WRN: variants seen among roughly 807,000 people sequenced by gnomAD.
The protein encoded by WRN is WRN RecQ like helicase.
A neutral mutation model predicts 180.7 loss-of-function variants in WRN; 149 were observed. The observed-to-expected ratio is 0.82, with a 90% CI of 0.72 to 0.94. WRN has a LOEUF of 0.94. WRN is among the 40% of genes least tolerant of loss of function. WRN has a pLI of 0.00. For synonymous variants in WRN, 548 were observed against 568.9 expected (o/e 0.96, Z 0.52); for missense variants, 1,661 against 1,700.1 (o/e 0.98, Z 0.40).
chr8:31,087,354 T>A (rs1291103652), intron 11 of WRN, among the ~76,000 whole-genome samples: 1 of 152,250 alleles, frequency 6.6e-6, no homozygotes, highest in Non-Finnish European at 1.5e-5. Flanking sequence ...TTGCTCATAG[T>A]TTCAGCCTTA....
chr8:31,172,512 A>G (rs937912448), intron 34 of WRN, among the ~76,000 whole-genome samples: 1 of 152,184 alleles, frequency 6.6e-6, no homozygotes, highest in Non-Finnish European at 1.5e-5. Flanking sequence ...TGTTAAGCGT[A>G]CTATGCCTTG....
intron 16 of WRN, among the ~76,000 whole-genome samples, chr8:31,092,377 A>G (rs1415946560): frequency 6.6e-6 from 1 of 151,784 alleles, no homozygotes; most frequent in African/African-American, 2.4e-5. Context: ...TGCCCAACCA[A>G]TTCTATCATG....
chr8:31,139,141 C>T (rs1041764952), intron 24 of WRN, among the ~76,000 whole-genome samples: 1 of 152,122 alleles, frequency 6.6e-6, no homozygotes, highest in Non-Finnish European at 1.5e-5. Context: ...AAAAGGTAAA[C>T]CTGTAATCAT....
At chr8:31,123,877 A>T (rs180938413) in intron 21 of WRN, among the ~76,000 whole-genome samples, 127 of 152,264 alleles carry the variant, frequency 8.3e-4, no homozygotes, top group African/African-American at 2.8e-3. Context: ...TTGACTTTAA[A>T]AAACAAACAC....
At chr8:31,137,099 C>T (rs1802430514) in intron 24 of WRN, among the ~76,000 whole-genome samples, 1 of 147,908 alleles carries the variant, frequency 6.8e-6, no homozygotes, top group African/African-American at 2.5e-5. Context: ...AGTTTGGATT[C>T]CTAGTTGAAA....
chr8:31,111,139 C>T (rs11574286), intron 18 of WRN, among the ~76,000 whole-genome samples: 4 of 150,476 alleles, frequency 2.7e-5, no homozygotes, highest in Non-Finnish European at 5.9e-5. Context: ...AGCCATAAAC[C>T]TATATATTTA....
At position 31,111,813 on chromosome 8, in the gene WRN, G is replaced by T; in HGVS notation, c.2273+14G>T. On this transcript the variant is annotated intron_variant, in intron 19 of 34. Transcript: ENST00000298139. ...TGTCAAAACAAGGTAAGGATTTAAT[G>T]GTTGATGAATTTTGGTAATGATTTC... is the stretch of plus-strand genomic sequence containing the variant. The T allele has an allele frequency of 6.2e-7, 1 of 1,610,868 alleles. No homozygotes were observed.
At chr8:31,142,592 A>G (rs770166496) in intron 26 of WRN, 34 bp from the exon 27 acceptor site, 24 of 1,494,632 alleles carry the variant, frequency 1.6e-5, no homozygotes, top group African/African-American at 1.4e-5. Flanking sequence ...TTGCATCTTA[A>G]CATTTGAAAT....
At chr8:31,100,653 G>A (rs1223081754) in intron 17 of WRN, among the ~76,000 whole-genome samples, 196 bp from the exon 18 acceptor site, 1 of 151,970 alleles carries the variant, frequency 6.6e-6, no homozygotes, top group East Asian at 1.9e-4. Flanking sequence ...AATTCTTAAG[G>A]CTTTTATTCA....
chr8:31,163,337 C>A (rs917343091), intron 33 of WRN, among the ~76,000 whole-genome samples: 5 of 152,172 alleles, frequency 3.3e-5, no homozygotes, highest in Non-Finnish European at 7.3e-5. Flanking sequence ...ACAAAGTTAT[C>A]GAACTTTAGA....
intron 16 of WRN, among the ~76,000 whole-genome samples, chr8:31,095,154 A>G (rs1813911184): frequency 6.6e-6 from 1 of 152,012 alleles, no homozygotes; most frequent in Admixed American, 6.6e-5. Context: ...ATAGTATCTC[A>G]TTGTATTTTT....
intron 32 of WRN, among the ~76,000 whole-genome samples, chr8:31,154,964 A>G (rs1173369343): frequency 1.3e-5 from 2 of 152,196 alleles, no homozygotes; most frequent in Non-Finnish European, 2.9e-5. Flanking sequence ...TAGTTTGGCC[A>G]TGAATATCTT....
intron 22 of WRN, 81 bp downstream of exon 22, chr8:31,124,704 T>C: frequency 7.1e-7 from 1 of 1,399,602 alleles, no homozygotes; most frequent in Non-Finnish European, 1.0e-6. Context: ...TAAATAATTA[T>C]CAGTATTTTG....
At chr8:31,106,646 C>A (rs957818768) in intron 18 of WRN, among the ~76,000 whole-genome samples, 7 of 152,134 alleles carry the variant, frequency 4.6e-5, no homozygotes, top group Non-Finnish European at 1.0e-4. Flanking sequence ...GGATTTAGGC[C>A]TCCTGGGCCA....
intron 21 of WRN, among the ~76,000 whole-genome samples, chr8:31,123,675 T>A (rs1801810774): frequency 6.6e-6 from 1 of 152,152 alleles, no homozygotes; most frequent in East Asian, 1.9e-4. Flanking sequence ...ACTAATGCTG[T>A]CCCTTAGATA....
At chr8:31,074,774 A>G (rs188627765) in intron 7 of WRN, among the ~76,000 whole-genome samples, 7 of 152,276 alleles carry the variant, frequency 4.6e-5, no homozygotes, top group Non-Finnish European at 1.0e-4. Context: ...GATACAAAGG[A>G]ATGATTACTG....
chr8:31,091,927 T>C, intron 16 of WRN, 29 bp downstream of exon 16: 2 of 1,608,820 alleles, frequency 1.2e-6, no homozygotes, highest in Non-Finnish European at 1.7e-6. Context: ...TCAACTTTTA[T>C]TTTGGATTTA....
rs1812524695 is a variant in WRN at position 31,062,467 on chromosome 8, G to A, written c.210-1822G>A. ...TGTTGCTCGTGCTGGAGTGACAGTG[G>A]TGTGATCTTGGTTCGCTGCAACCTC... On this transcript the variant is annotated intron_variant, in intron 3 of 34. Coordinates refer to ENST00000298139, the MANE Select transcript of WRN (RefSeq NM_000553.6). 2.0e-5 allele frequency among the ~76,000 whole-genome samples: 3 copies of A among 150,108 alleles called. No individual in the cohort carries two copies. In the East Asian group the frequency reaches 5.9e-4, roughly 29 times the overall value.
intron 24 of WRN, among the ~76,000 whole-genome samples, chr8:31,133,527 T>TA (rs991410578): frequency 1.4e-3 from 201 of 138,806 alleles, no homozygotes; most frequent in East Asian, 0.012. Flanking sequence ...TCTGTCTCAA[T>TA]AAAAAAAAAA....
Sources: gnomAD v4.1 joint callset for allele counts (sites outside exome capture counted in the v4.1 genomes callset) on GRCh38, gnomAD v4.1.1 for gene constraint, MANE v1.5 for transcripts, NCBI Gene and HGNC (gene_info 2026-07-23, HGNC 2026-07-21) for gene names.